FGF13: variants seen among roughly 807,000 people sequenced by gnomAD.
FGF13 encodes fibroblast growth factor homologous factor 2.
FGF13 carries 2 observed loss-of-function variants against 19.5 expected under a neutral mutation model. The observed-to-expected ratio is 0.10, with a 90% CI of 0.04 to 0.32. The LOEUF (loss-of-function observed/expected upper bound fraction) is 0.32. Ranked by LOEUF, FGF13 falls within the 10% of genes least tolerant of loss-of-function variation. The probability of loss-of-function intolerance (pLI) is 1.00; values close to 1 mark genes in which losing one functional copy is unlikely to be tolerated. For synonymous variants in FGF13, 72 were observed against 76.9 expected (o/e 0.94, Z 0.33); for missense variants, 113 against 192.7 (o/e 0.59, Z 2.45).
At chrX:138,753,213 A>G (rs1335638332) in intron 3 of FGF13, among the ~76,000 whole-genome samples, 1 of 112,128 alleles carries the variant, frequency 8.9e-6, no homozygotes, top group Non-Finnish European at 1.9e-5. Context: ...AATTTTTGTC[A>G]TTTCCAAGAG....
intron 1 of FGF13, among the ~76,000 whole-genome samples, chrX:138,924,913 G>C (rs767854647): frequency 3.4e-4 from 38 of 110,431 alleles, no homozygotes; most frequent in Non-Finnish European, 6.6e-4. Flanking sequence ...AGTCCTGGTA[G>C]TGGTAATTGA....
At chrX:139,169,669 T>C (rs2084114109) in intron 1 of FGF13, among the ~76,000 whole-genome samples, 1 of 110,992 alleles carries the variant, frequency 9.0e-6, no homozygotes, top group Admixed American at 9.6e-5. Flanking sequence ...GAATTCGGCC[T>C]GATTGGACTA....
At chrX:138,993,973 A>G (rs1282574876) in intron 1 of FGF13, among the ~76,000 whole-genome samples, 2 of 111,746 alleles carry the variant, frequency 1.8e-5, no homozygotes, top group Non-Finnish European at 3.8e-5. Context: ...TTTTAAAATT[A>G]CTGGAACAAT....
At chrX:139,017,951 T>C (rs1386035882) in intron 1 of FGF13, among the ~76,000 whole-genome samples, 1 of 112,003 alleles carries the variant, frequency 8.9e-6, no homozygotes, top group African/African-American at 3.2e-5. Context: ...CTCTGTTATA[T>C]AGATTGCATT....
At chrX:138,695,411 T>C (rs528098750) in intron 3 of FGF13, among the ~76,000 whole-genome samples, 13 of 111,975 alleles carry the variant, frequency 1.2e-4, no homozygotes, top group Middle Eastern at 4.6e-3. Context: ...AAAATGAACA[T>C]ATTTTTTACT....
At chrX:139,101,662 C>A (rs1006950698) in intron 1 of FGF13, among the ~76,000 whole-genome samples, 2 of 112,222 alleles carry the variant, frequency 1.8e-5, no homozygotes, top group Non-Finnish European at 3.8e-5. Context: ...TCAATCTATC[C>A]CCTTTCACAC....
At chrX:139,186,728 A>G (rs1045317962) in intron 1 of FGF13, among the ~76,000 whole-genome samples, 2 of 111,381 alleles carry the variant, frequency 1.8e-5, no homozygotes, top group Non-Finnish European at 3.8e-5. Flanking sequence ...TACATTTGCA[A>G]TACCCTTCCC....
intron 3 of FGF13, among the ~76,000 whole-genome samples, chrX:138,827,250 A>G (rs1175985256): frequency 1.8e-5 from 2 of 111,922 alleles, no homozygotes; most frequent in Non-Finnish European, 3.8e-5. Flanking sequence ...GTATTGAGGG[A>G]CACTCCTGAA....
intron 1 of FGF13, among the ~76,000 whole-genome samples, chrX:138,881,525 A>G (rs1456752564): frequency 8.9e-6 from 1 of 111,803 alleles, no homozygotes; most frequent in Admixed American, 9.5e-5. Flanking sequence ...ATTCACTAGC[A>G]GAGTCATCTG....
At chrX:138,781,067 C>T (rs7881985) in intron 3 of FGF13, among the ~76,000 whole-genome samples, 1 of 111,090 alleles carries the variant, frequency 9.0e-6, no homozygotes, top group Non-Finnish European at 1.9e-5. Context: ...TGAATGACTA[C>T]TGGGTACATA....
At chrX:139,174,073 G>T (rs1340822904) in intron 1 of FGF13, among the ~76,000 whole-genome samples, 1 of 112,000 alleles carries the variant, frequency 8.9e-6, no homozygotes, top group Non-Finnish European at 1.9e-5. Flanking sequence ...GTTGTTTCCT[G>T]ACTTTTTAAT....
At position 139,162,188 on chromosome X, in the gene FGF13, T is replaced by C. The variant is rs181039210; in HGVS notation, c.-113+41228A>G. Reference sequence around the variant, plus strand: ...AGTAAGCAAAACAGCATGGTGCTGGTACAAAAACAGATATAAAGACCAATG... The same window carrying C: ...AGTAAGCAAAACAGCATGGTGCTGGCACAAAAACAGATATAAAGACCAATG... On this transcript the variant is annotated intron_variant, in intron 1 of 2. Coordinates refer to the FGF13 transcript ENST00000421460. Among the ~76,000 whole-genome samples the C allele has an allele frequency of 3.0e-3, 341 of 112,056 alleles. 1 individual carries two copies. Among genetic ancestry groups the C allele is most frequent in the Middle Eastern group, 0.018 (4 of 218 alleles).
intron 1 of FGF13, among the ~76,000 whole-genome samples, chrX:139,143,523 C>T (rs759014137): frequency 8.9e-6 from 1 of 112,161 alleles, no homozygotes; most frequent in Admixed American, 9.4e-5. Context: ...TTCAAATTAG[C>T]GGAGGTTTAA....
intron 1 of FGF13, among the ~76,000 whole-genome samples, chrX:139,152,309 T>C: frequency 1.1e-5 from 1 of 91,308 alleles, no homozygotes. Flanking sequence ...CCGATGTGAT[T>C]AAGTTAAAAA....
chrX:138,934,155 C>A (rs2091719395), intron 1 of FGF13, among the ~76,000 whole-genome samples: 1 of 111,952 alleles, frequency 8.9e-6, no homozygotes, highest in Admixed American at 9.5e-5. Context: ...CTGCAAAGTT[C>A]TCTGAGCAAG....
intron 1 of FGF13, among the ~76,000 whole-genome samples, chrX:139,002,855 G>A (rs1713018651): frequency 8.9e-6 from 1 of 111,798 alleles, no homozygotes; most frequent in Admixed American, 9.5e-5. Flanking sequence ...GAGCCCTTGG[G>A]CCCTGAATAA....
At chrX:138,754,459 C>T (rs2090419297) in intron 3 of FGF13, among the ~76,000 whole-genome samples, 1 of 111,210 alleles carries the variant, frequency 9.0e-6, no homozygotes, top group Non-Finnish European at 1.9e-5. Flanking sequence ...AAGTCAGGCT[C>T]TCTCTCCCAC....
At chrX:138,726,073 C>T (rs1395055783) in intron 1 of FGF13, among the ~76,000 whole-genome samples, 1 of 111,385 alleles carries the variant, frequency 9.0e-6, no homozygotes, top group Non-Finnish European at 1.9e-5. Context: ...GCATCTACTT[C>T]CACACCGATA....
At chrX:139,200,318 T>C (rs2084405678) in intron 1 of FGF13, among the ~76,000 whole-genome samples, 1 of 112,341 alleles carries the variant, frequency 8.9e-6, no homozygotes, top group Non-Finnish European at 1.9e-5. Context: ...ATCAAGATGA[T>C]CTTTTGGAAG....
Sources: gnomAD v4.1 joint callset for allele counts (sites outside exome capture counted in the v4.1 genomes callset) on GRCh38, gnomAD v4.1.1 for gene constraint, MANE v1.5 for transcripts, NCBI Gene and HGNC (gene_info 2026-07-23, HGNC 2026-07-21) for gene names.